The following PTCSC3 variants were observed in gnomAD, a reference collection of about 807,000 sequenced individuals.
PTCSC3 encodes the protein papillary thyroid carcinoma susceptibility candidate 3.
intron 3 of PTCSC3, among the ~76,000 whole-genome samples, chr14:36,150,312 C>A (rs986490272): frequency 6.6e-6 from 1 of 151,928 alleles, no homozygotes; most frequent in African/African-American, 2.4e-5. Context: ...ATAAAGAGGC[C>A]CAAGGCACTT....
intron 1 of PTCSC3, among the ~76,000 whole-genome samples, chr14:36,165,605 T>C (rs1882070574): frequency 6.6e-6 from 1 of 152,216 alleles, no homozygotes; most frequent in Admixed American, 6.5e-5. Flanking sequence ...GCAGGTATTT[T>C]TTAAATTAGC....
intron 2 of PTCSC3, among the ~76,000 whole-genome samples, chr14:36,158,887 A>AT (rs963211114): frequency 6.6e-6 from 1 of 151,830 alleles, no homozygotes; most frequent in African/African-American, 2.4e-5. Context: ...TAGTCCTTGA[A>AT]TTTTTTTGGT....
At chr14:36,150,201 T>G (rs1028878357) in intron 3 of PTCSC3, among the ~76,000 whole-genome samples, 2 of 152,198 alleles carry the variant, frequency 1.3e-5, no homozygotes, top group Non-Finnish European at 2.9e-5. Flanking sequence ...AATTCATGTT[T>G]TGAAATGCTA....
At chr14:36,140,515 A>C (rs931609261) in intron 3 of PTCSC3, among the ~76,000 whole-genome samples, 1 of 152,194 alleles carries the variant, frequency 6.6e-6, no homozygotes, top group African/African-American at 2.4e-5. Context: ...TGATATTGTC[A>C]GGTTTTTTGT....
At chr14:36,152,985 G>T (rs1881756528) in intron 3 of PTCSC3, among the ~76,000 whole-genome samples, 1 of 152,134 alleles carries the variant, frequency 6.6e-6, no homozygotes, top group African/African-American at 2.4e-5. Context: ...AGCTGTTTCA[G>T]TCAGCTTGGA....
chr14:36,137,502 T>C (rs1594441897), intron 3 of PTCSC3, among the ~76,000 whole-genome samples: 1 of 152,136 alleles, frequency 6.6e-6, no homozygotes, highest in African/African-American at 2.4e-5. Context: ...GGAAGGAAGC[T>C]GGGAGGCTCT....
chr14:36,152,131 GATATAA>G (rs1306394424), intron 3 of PTCSC3, among the ~76,000 whole-genome samples: 3 of 151,628 alleles, frequency 2.0e-5, no homozygotes, highest in South Asian at 2.1e-4. Context: ...GTGGATTTTA[GATATAA>G]ATATAAAAGG....
intron 1 of PTCSC3, among the ~76,000 whole-genome samples, chr14:36,167,533 G>A (rs193245590): frequency 1.1e-4 from 16 of 152,218 alleles, no homozygotes; most frequent in Admixed American, 9.8e-4. Context: ...GTAGAATGTG[G>A]TCTCATTATA....
rs564029682 is a variant in PTCSC3, at chr14:36,172,612, C to A, written n.171+3686G>T. ...AAATGATCTCCCCATAGCCTTCCAACTTTAAGTACTACATTTTAAATACTG... is the reference window on the plus strand; with the variant it reads ...AAATGATCTCCCCATAGCCTTCCAAATTTAAGTACTACATTTTAAATACTG... On this transcript the variant is annotated intron_variant and non_coding_transcript_variant, in intron 1 of 3. Coordinates refer to ENST00000556013, the Ensembl canonical transcript of PTCSC3. Among the ~76,000 whole-genome samples, 475 of 152,256 alleles carry A rather than the reference C, an allele frequency of 3.1e-3. 6 individuals carry two copies. Among genetic ancestry groups the A allele is most frequent in the Non-Finnish European group, 5.6e-3 (379 of 68,000 alleles).
intron 2 of PTCSC3, among the ~76,000 whole-genome samples, chr14:36,157,031 C>A (rs1881844723): frequency 1.3e-5 from 2 of 152,306 alleles, no homozygotes; most frequent in South Asian, 2.1e-4. Flanking sequence ...CTCCCACCAA[C>A]AGTGTAAAAG....
chr14:36,135,680 T>C (rs1197344759), downstream of PTCSC3, among the ~76,000 whole-genome samples: 1 of 152,202 alleles, frequency 6.6e-6, no homozygotes, highest in Non-Finnish European at 1.5e-5. Context: ...GTGCTGATAA[T>C]GAAATTGAAA....
intron 1 of PTCSC3, among the ~76,000 whole-genome samples, chr14:36,166,333 G>T (rs1882086466): frequency 6.6e-6 from 1 of 152,188 alleles, no homozygotes; most frequent in Non-Finnish European, 1.5e-5. Context: ...CTAGCAGAGT[G>T]AAATATGTGT....
At chr14:36,155,169 T>C (rs1368140789) in intron 2 of PTCSC3, among the ~76,000 whole-genome samples, 1 of 152,174 alleles carries the variant, frequency 6.6e-6, no homozygotes, top group Non-Finnish European at 1.5e-5. Context: ...TTAAAGATTC[T>C]AACATTCAAA....
intron 2 of PTCSC3, among the ~76,000 whole-genome samples, chr14:36,155,324 A>G (rs2139101023): frequency 6.6e-6 from 1 of 152,340 alleles, no homozygotes; most frequent in South Asian, 2.1e-4. Context: ...TTCCACAGTA[A>G]AAACTTTATC....
intron 1 of PTCSC3, among the ~76,000 whole-genome samples, chr14:36,171,505 C>T (rs1430043038): frequency 6.6e-6 from 1 of 152,156 alleles, no homozygotes; most frequent in Non-Finnish European, 1.5e-5. Flanking sequence ...GTTCTTCTCA[C>T]TCCTTTCATT....
At chr14:36,142,716 T>C (rs984713337) in intron 3 of PTCSC3, among the ~76,000 whole-genome samples, 15 of 151,854 alleles carry the variant, frequency 9.9e-5, no homozygotes, top group African/African-American at 3.6e-4. Context: ...TGCAGGTTAG[T>C]TACATATGTA....
intron 1 of PTCSC3, among the ~76,000 whole-genome samples, chr14:36,167,365 A>G (rs1248247779): frequency 6.6e-6 from 1 of 152,110 alleles, no homozygotes; most frequent in Non-Finnish European, 1.5e-5. Context: ...TAGAGATGCC[A>G]TGGTTATTTA....
intron 3 of PTCSC3, among the ~76,000 whole-genome samples, chr14:36,137,206 G>A (rs1276985785): frequency 1.3e-5 from 2 of 152,126 alleles, no homozygotes; most frequent in African/African-American, 2.4e-5. Flanking sequence ...TGCAGGTAGA[G>A]GCAACAACAA....
intron 1 of PTCSC3, among the ~76,000 whole-genome samples, chr14:36,174,252 C>G (rs1206861826): frequency 1.3e-5 from 2 of 152,034 alleles, no homozygotes; most frequent in Non-Finnish European, 2.9e-5. Context: ...CCTTGAAACT[C>G]TGCTTATTTT....
Sources: gnomAD v4.1 joint callset for allele counts (sites outside exome capture counted in the v4.1 genomes callset) on GRCh38, gnomAD v4.1.1 for gene constraint, MANE v1.5 for transcripts, NCBI Gene and HGNC (gene_info 2026-07-23, HGNC 2026-07-21) for gene names.